UBE2H: variants seen among roughly 807,000 people sequenced by gnomAD.
The protein encoded by UBE2H is ubiquitin conjugating enzyme E2 H, also known as ubiquitin-conjugating enzyme E2 H.
UBE2H carries 3 observed loss-of-function variants against 29.0 expected under a neutral mutation model. The ratio of observed to expected loss-of-function variants is 0.10; its 90% CI spans 0.05 to 0.27. The LOEUF (loss-of-function observed/expected upper bound fraction) is 0.27. UBE2H is among the 10% of genes least tolerant of loss of function. The pLI is 1.00. For missense variants in UBE2H, 68 were observed against 228.2 expected (o/e 0.30, Z 4.52); for synonymous variants, 69 against 82.9 (o/e 0.83, Z 0.91).
intron 1 of UBE2H, among the ~76,000 whole-genome samples, chr7:129,950,674 G>A (rs1360893997): frequency 1.3e-5 from 2 of 152,136 alleles, no homozygotes; most frequent in Non-Finnish European, 1.5e-5. Context: ...GTAGAAATTC[G>A]CATTAGGTGT....
chr7:129,911,547 G>T (rs1458833939), intron 1 of UBE2H, among the ~76,000 whole-genome samples: 1 of 152,126 alleles, frequency 6.6e-6, no homozygotes, highest in Non-Finnish European at 1.5e-5. Context: ...GGCCTGTTGG[G>T]ATCGTCTTGG....
chr7:129,874,178 A>C (rs1376906543), intron 3 of UBE2H, among the ~76,000 whole-genome samples: 1 of 152,136 alleles, frequency 6.6e-6, no homozygotes, highest in Non-Finnish European at 1.5e-5. Context: ...TCTTAATTTT[A>C]TCTGGAATGC....
chr7:129,836,476 C>G (rs1393787373), intron 6 of UBE2H, among the ~76,000 whole-genome samples: 1 of 152,244 alleles, frequency 6.6e-6, no homozygotes, highest in Admixed American at 6.5e-5. Flanking sequence ...GAGGCAGTCC[C>G]AGCCACACTG....
chr7:129,863,580 G>T (rs1173662303), intron 3 of UBE2H, among the ~76,000 whole-genome samples: 1 of 152,106 alleles, frequency 6.6e-6, no homozygotes, highest in African/African-American at 2.4e-5. Flanking sequence ...GTCCTTAAAG[G>T]AAATTAATTC....
At chr7:129,905,134 A>G (rs1806790155) in intron 1 of UBE2H, among the ~76,000 whole-genome samples, 1 of 152,044 alleles carries the variant, frequency 6.6e-6, no homozygotes, top group African/African-American at 2.4e-5. Flanking sequence ...GAATCAATGT[A>G]TTCAGACATG....
intron 1 of UBE2H, among the ~76,000 whole-genome samples, chr7:129,882,068 G>A (rs1218375626): frequency 6.6e-6 from 1 of 152,134 alleles, no homozygotes; most frequent in Non-Finnish European, 1.5e-5. Flanking sequence ...AATCACAGAG[G>A]GGTAACATGG....
chr7:129,941,108 C>T (rs1807633061), intron 1 of UBE2H, among the ~76,000 whole-genome samples: 1 of 152,194 alleles, frequency 6.6e-6, no homozygotes, highest in Non-Finnish European at 1.5e-5. Context: ...GCGCAAGCCA[C>T]CACGCCCGGC....
chr7:129,935,344 C>T (rs1807505131), intron 1 of UBE2H, among the ~76,000 whole-genome samples: 1 of 148,320 alleles, frequency 6.7e-6, no homozygotes, highest in Non-Finnish European at 1.5e-5. Flanking sequence ...ACCCGAGAGG[C>T]GAGGGTCATA....
intron 1 of UBE2H, among the ~76,000 whole-genome samples, chr7:129,917,922 TGA>T (rs749799733): frequency 3.3e-5 from 5 of 152,214 alleles, no homozygotes; most frequent in Non-Finnish European, 5.9e-5. Context: ...AGCACAAGTG[TGA>T]GACTTCTCAC....
At position 129,864,557 on chromosome 7, in the gene UBE2H, T is replaced by TTTC. The variant is rs386411292; in HGVS notation, c.206-5617_206-5616insGAA. On this transcript the variant is annotated intron_variant, in intron 3 of 6. Coordinates refer to ENST00000355621, the MANE Select transcript of UBE2H (RefSeq NM_003344.4). ...AGGCATTTTCTTTTTCTTTTCTTTCTTTTTTTTTTTTTTTGAGACAGAATC... is the reference window on the plus strand; with the variant it reads ...AGGCATTTTCTTTTTCTTTTCTTTCTTTCTTTTTTTTTTTTTTGAGACAGAATC... Among the ~76,000 whole-genome samples the TTTC allele has an allele frequency of 0.012, 29 of 2,382 alleles. No individual in the cohort carries two copies. The East Asian group carries it at 0.12, about 10-fold the overall frequency. The allele number at this position is 2,382 out of a possible 152,430, so 1.6% of individuals were successfully genotyped here.
At chr7:129,919,766 CTT>C (rs1369657956) in intron 1 of UBE2H, among the ~76,000 whole-genome samples, 4 of 152,338 alleles carry the variant, frequency 2.6e-5, no homozygotes, top group Non-Finnish European at 4.4e-5. Context: ...TCTCACCTCT[CTT>C]GTTACCATCT....
At chr7:129,861,125 C>T (rs539660219) in intron 3 of UBE2H, among the ~76,000 whole-genome samples, 4 of 151,470 alleles carry the variant, frequency 2.6e-5, no homozygotes, top group South Asian at 2.1e-4. Context: ...CTCGGGAGAC[C>T]GAGGTAGAGA....
intron 4 of UBE2H, among the ~76,000 whole-genome samples, chr7:129,858,360 T>G (rs1369574805): frequency 2.0e-5 from 3 of 152,162 alleles, no homozygotes; most frequent in African/African-American, 7.2e-5. Flanking sequence ...TAAAACTTAG[T>G]GCCATGACAA....
intron 1 of UBE2H, among the ~76,000 whole-genome samples, chr7:129,914,793 T>C (rs977147839): frequency 2.0e-5 from 3 of 152,206 alleles, no homozygotes; most frequent in African/African-American, 4.8e-5. Flanking sequence ...TCCCGAGTTA[T>C]ACAGACTGAG....
Position 129,936,805 on chromosome 7 carries a change from A to G in UBE2H, c.53+15698T>C, listed in dbSNP as rs6957308. 6.8e-3 allele frequency among the ~76,000 whole-genome samples: 808 copies of G among 118,046 alleles called. 2 individuals carry two copies. The highest frequency in any genetic ancestry group is 0.021 in the African/African-American group (529 of 24,884). The allele number at this position is 118,046 out of a possible 152,430, so 77.4% of individuals were successfully genotyped here. A position where few individuals can be genotyped will look rare whatever the true frequency, so the allele number is the denominator to read the frequency against. The stretch of plus-strand genomic sequence containing the variant: ...ATGGTGAAACCCCGTCTCTACTAGG[A>G]AAAAAAAAAAAAAAAAAAAAAAGTT... On this transcript the variant is annotated intron_variant, in intron 1 of 6. Transcript: ENST00000355621.
intron 5 of UBE2H, among the ~76,000 whole-genome samples, chr7:129,853,948 A>G: frequency 6.6e-6 from 1 of 152,148 alleles, no homozygotes; most frequent in Non-Finnish European, 1.5e-5. Flanking sequence ...CATCGAATCT[A>G]CAGCAGAGGA....
intron 1 of UBE2H, among the ~76,000 whole-genome samples, chr7:129,938,428 A>G (rs1807574441): frequency 1.3e-5 from 2 of 148,806 alleles, no homozygotes; most frequent in African/African-American, 4.9e-5. Flanking sequence ...AAAAAAAAAA[A>G]AAAAAAAAAA....
chr7:129,892,306 C>T (rs371221658), intron 1 of UBE2H, among the ~76,000 whole-genome samples: 3 of 151,464 alleles, frequency 2.0e-5, no homozygotes, highest in Non-Finnish European at 2.9e-5. Flanking sequence ...GGCTGGTGTG[C>T]GGTAGCACAA....
chr7:129,914,811 C>G (rs946502458), intron 1 of UBE2H, among the ~76,000 whole-genome samples: 4 of 152,178 alleles, frequency 2.6e-5, no homozygotes, highest in Non-Finnish European at 4.4e-5. Context: ...GAGCTTATCT[C>G]TCAGCTCTGC....
Sources: allele counts gnomAD v4.1 joint callset (sites outside exome capture counted in the v4.1 genomes callset), GRCh38; gene constraint gnomAD v4.1.1; transcripts MANE v1.5; gene names NCBI Gene and HGNC (gene_info 2026-07-23, HGNC 2026-07-21).